Variants in RWDD2B observed in about 807,000 individuals in gnomAD.
The protein encoded by RWDD2B is RWD domain-containing protein 2B.
In RWDD2B, 36 loss-of-function variants were observed where a neutral mutation model predicts 33.6. The observed-to-expected ratio is 1.07, with a 90% confidence interval of 0.82 to 1.42. The LOEUF (loss-of-function observed/expected upper bound fraction) is 1.42. RWDD2B is among the 40% of genes most tolerant of loss of function. The probability of loss-of-function intolerance (pLI) is 0.00; values close to 1 mark genes in which losing one functional copy is unlikely to be tolerated. For missense variants in RWDD2B, 364 were observed against 377.5 expected (o/e 0.96, Z 0.30); for synonymous variants, 126 against 133.1 (o/e 0.95, Z 0.37).
In RWDD2B at chr21:29,006,363, G is replaced by GA. The variant is rs36038895; in HGVS notation, c.*53dup. 1,140 of 1,167,088 alleles carry GA rather than the reference G, an allele frequency of 9.8e-4. No individual in the cohort carries two copies. The highest frequency in any genetic ancestry group is 1.1e-3 in the Non-Finnish European group (928 of 822,254). 72.3% of individuals were successfully genotyped at this position (1,167,088 alleles called of 1,614,324 possible). ...TACTTAATCTTTCAAGAAAAAGTGG[G>GA]AAAAAAAAATCAAAAGGCCAACAGT... is the stretch of plus-strand genomic sequence containing the variant. On this transcript the variant is annotated 3_prime_UTR_variant, in exon 5 of 5. Transcript: ENST00000493196.
rs796086018 is a variant in RWDD2B at position 29,006,531 on chromosome 21, G to T, written c.846C>A (p.Phe282Leu). 1 of 1,612,872 alleles carries T rather than the reference G, an allele frequency of 6.2e-7. No individual in the cohort carries two copies. The highest frequency in any genetic ancestry group is 1.7e-5 in the Admixed American group (1 of 59,914). Residue 282 changes from phenylalanine (F) to leucine (L), a missense_variant, in exon 5 of 5, where the codon TTC becomes TTA. Phe to Leu is a conservative substitution (Grantham distance 22). Transcript: ENST00000493196. ...RKFSIFEEKV[F>L]SVNGARGNHM... is the part of the protein sequence containing the mutation. ...GGTTTCCCCTGGCTCCATTAACACT[G>T]AACACTTTTTCTTCAAAAATGGAAA...
chr21:29,006,593 C>G lies in RWDD2B; in HGVS notation c.784G>C (p.Asp262His), dbSNP rs1238487272. The G allele has an allele frequency of 6.2e-7, 1 of 1,613,708 alleles. No individual in the cohort carries two copies. The highest frequency in any genetic ancestry group is 1.1e-5 in the South Asian group (1 of 90,922). ...LIRHREDIPF[D>H]GTNDETERQR... is the part of the protein sequence containing the mutation. ...CTTTCCGTTTCATCATTTGTACCAT[C>G]AAAAGGAATGTCTTCTCGATGGCGA... Residue 262 changes from aspartate (D) to histidine (H), a missense_variant, in exon 5 of 5, where the codon GAT becomes CAT. Transcript: ENST00000493196.
chr21:29,008,459 T>G lies in RWDD2B; in HGVS notation c.230A>C (p.Glu77Ala). Residue 77 changes from glutamate to alanine, a missense_variant, in exon 2 of 5, where the codon GAG (glutamate) becomes GCG (alanine). Coordinates refer to ENST00000493196, the MANE Select transcript of RWDD2B (RefSeq NM_016940.3). ...LKDCIEKKTM[E>A]GRSSKVYFTI... ...AAAGTAGACTTTTGAAGATCGCCCC[T>G]CCATTGTCTTCTTTTCAATACAATC... 6.2e-7 allele frequency: 1 copy of G among 1,614,208 alleles called. No homozygotes were observed. The highest frequency in any genetic ancestry group is 8.5e-7 in the Non-Finnish European group (1 of 1,180,030).
chr21:29,012,237 C>T (rs2084867469), intron 1 of RWDD2B, among the ~76,000 whole-genome samples: 2 of 151,546 alleles, frequency 1.3e-5, no homozygotes, highest in Non-Finnish European at 1.5e-5. Context: ...AAGTGAGGAG[C>T]CCCTCTGCCC....
In RWDD2B at chr21:29,008,456, C is replaced by A. The variant is rs1326033879; in HGVS notation, c.233G>T (p.Gly78Val). 6.2e-7 allele frequency: 1 copy of A among 1,614,118 alleles called. No individual in the cohort carries two copies. The highest frequency in any genetic ancestry group is 1.7e-5 in the Admixed American group (1 of 60,018). Reference sequence around the variant, plus strand: ...AGTAAAGTAGACTTTTGAAGATCGCCCCTCCATTGTCTTCTTTTCAATACA... The same window carrying A: ...AGTAAAGTAGACTTTTGAAGATCGCACCTCCATTGTCTTCTTTTCAATACA... ...KDCIEKKTME[G>V]RSSKVYFTIN... is the part of the protein sequence containing the mutation. The change falls in exon 2 of 5, where the codon GGG (glycine) becomes GTG (valine). Residue 78 changes from glycine to valine, a missense_variant. By Grantham distance (109) the Gly-to-Val change is moderately radical. Coordinates refer to ENST00000493196, the MANE Select transcript of RWDD2B (RefSeq NM_016940.3).
At position 29,005,183 on chromosome 21, in the gene RWDD2B, T is replaced by A. The variant is rs2084822444; in HGVS notation, c.*1234A>T. 6.6e-6 allele frequency: 1 copy of A among 152,220 alleles called. No individual in the cohort carries two copies. The highest frequency in any genetic ancestry group is 1.5e-5 in the Non-Finnish European group (1 of 68,040). 9.4% of individuals were successfully genotyped at this position (152,220 alleles called of 1,614,324 possible). ...CAGAACAAAAAATGTCAGAATACAA[T>A]TTGCCAAACAAATTTTCTAAATTAC... On this transcript the variant is annotated 3_prime_UTR_variant, in exon 5 of 5. Coordinates refer to ENST00000493196, the MANE Select transcript of RWDD2B (RefSeq NM_016940.3).
intron 1 of RWDD2B, among the ~76,000 whole-genome samples, chr21:29,010,631 A>C (rs1457849519): frequency 4.2e-5 from 6 of 141,374 alleles, no homozygotes; most frequent in Non-Finnish European, 7.6e-5. Flanking sequence ...AAAAAAAAAA[A>C]ACCAAAAAAA....
chr21:29,018,900 C>A (rs554670613), intron 1 of RWDD2B, among the ~76,000 whole-genome samples: 1 of 152,268 alleles, frequency 6.6e-6, no homozygotes, highest in Admixed American at 6.5e-5. Context: ...GGAATAATAT[C>A]TTTTCCTTGC....
rs1215918774 is a variant in RWDD2B at position 29,008,101 on chromosome 21, G to A, written c.385C>T (p.Gln129Ter). Residue 129 changes from glutamine to a stop codon, truncating the protein, a stop_gained, in exon 4 of 5, where the codon CAG becomes TAG. Coordinates refer to ENST00000493196, the MANE Select transcript of RWDD2B (RefSeq NM_016940.3). LOFTEE classifies it high-confidence loss of function. ...TVRSVLLSRS[Q>*]QTQLNTDLTA... is the part of the protein sequence containing the mutation. Reference sequence around the variant, plus strand: ...AGATCTGTGTTCAGCTGAGTCTGCTGGGATCTACTCAATAATACTGATCTA... The same window carrying A: ...AGATCTGTGTTCAGCTGAGTCTGCTAGGATCTACTCAATAATACTGATCTA... 5 of 1,613,708 alleles carry A rather than the reference G, an allele frequency of 3.1e-6. No individual in the cohort carries two copies. The highest frequency in any genetic ancestry group is 1.6e-4 in the Middle Eastern group (1 of 6,062).
In RWDD2B at chr21:29,006,236, G is replaced by T; in HGVS notation, c.*181C>A. 2.1e-6 allele frequency: 1 copy of T among 484,530 alleles called. No homozygotes were observed. The highest frequency in any genetic ancestry group is 3.7e-6 in the Non-Finnish European group (1 of 273,152). The allele number at this position is 484,530 out of a possible 1,614,324, so 30.0% of individuals were successfully genotyped here. A position where few individuals can be genotyped will look rare whatever the true frequency, so the allele number is the denominator to read the frequency against. ...TTTTAAGGTTGTAATTTGAAACTCA[G>T]TTCTGCTTTCAATCATGACATTTTT... On this transcript the variant is annotated 3_prime_UTR_variant, in exon 5 of 5. Coordinates refer to ENST00000493196, the MANE Select transcript of RWDD2B (RefSeq NM_016940.3).
At position 29,004,718 on chromosome 21, in the gene RWDD2B, A is replaced by T. The variant is rs966039869; in HGVS notation, c.*1699T>A. 2.6e-5 allele frequency: 4 copies of T among 152,236 alleles called. No individual in the cohort carries two copies. The highest frequency in any genetic ancestry group is 9.6e-5 in the African/African-American group (4 of 41,456). The allele number at this position is 152,236 out of a possible 1,614,324, so 9.4% of individuals were successfully genotyped here. ...AGGGCAGCAGGGAGGAAATCTGGGG[A>T]CGTACATAAGATTTAGGTCCAATAC... On this transcript the variant is annotated 3_prime_UTR_variant, in exon 5 of 5. Coordinates refer to ENST00000493196, the MANE Select transcript of RWDD2B (RefSeq NM_016940.3).
chr21:29,008,299 A>G lies in RWDD2B; in HGVS notation c.303T>C (p.Phe101=). 1 of 1,614,192 alleles carries G rather than the reference A, an allele frequency of 6.2e-7. No individual in the cohort carries two copies. Among genetic ancestry groups the G allele is most frequent in the Non-Finnish European group, 8.5e-7 (1 of 1,180,012 alleles). The part of the protein sequence containing the change: ...LDVSDEKMAM[F]SLACILPFKY... ...TAAAGGGAAGAATACAGGCCAGAGA[A>G]AACATCGCCTGATTAAAGAGAAGAA... The change falls in exon 3 of 5, where the codon TTT becomes TTC. Residue 101 remains phenylalanine, a synonymous_variant. Transcript: ENST00000493196.
intron 1 of RWDD2B, among the ~76,000 whole-genome samples, chr21:29,011,001 G>A (rs892002475): frequency 1.3e-5 from 2 of 152,144 alleles, no homozygotes; most frequent in African/African-American, 4.8e-5. Flanking sequence ...GTGCAGTGGC[G>A]TGATCTCGGC....
chr21:29,010,699 G>C lies in RWDD2B; in HGVS notation c.68-2078C>G, dbSNP rs145646943. Among the ~76,000 whole-genome samples the C allele has an allele frequency of 2.3e-3, 343 of 150,256 alleles. 3 individuals carry two copies. Among genetic ancestry groups the C allele is most frequent in the African/African-American group, 7.7e-3 (314 of 40,880 alleles). ...GGTCTCCCTCTCCCTCTCTTTCCAC[G>C]GTCTCCCTCTGATTCCGAGCCGAAG... On this transcript the variant is annotated intron_variant, in intron 1 of 4. Coordinates refer to ENST00000493196, the MANE Select transcript of RWDD2B (RefSeq NM_016940.3).
At chr21:29,019,060 A>G in intron 1 of RWDD2B, 151 bp downstream of exon 1, 2 of 641,248 alleles carry the variant, frequency 3.1e-6, no homozygotes, top group Non-Finnish European at 5.3e-6. Context: ...GCCGGGAAGC[A>G]ACGCCGAGGA....
At chr21:29,010,030 CTTAT>C (rs1341966183) in intron 1 of RWDD2B, among the ~76,000 whole-genome samples, 1 of 152,088 alleles carries the variant, frequency 6.6e-6, no homozygotes, top group Non-Finnish European at 1.5e-5. Flanking sequence ...TATGCCATAA[CTTAT>C]TTAATTCTTT....
rs747121009 is a variant in RWDD2B at position 29,007,842 on chromosome 21, A to G, written c.644T>C (p.Leu215Pro). The G allele has an allele frequency of 3.7e-6, 6 of 1,614,134 alleles. No homozygotes were observed. In the South Asian group the frequency reaches 5.5e-5, roughly 15 times the overall value. Residue 215 changes from leucine to proline, a missense_variant, in exon 4 of 5, where the codon CTG becomes CCG. Leu to Pro is a moderately conservative substitution (Grantham distance 98, BLOSUM62 -3). Coordinates refer to ENST00000493196, the MANE Select transcript of RWDD2B (RefSeq NM_016940.3). Reference protein sequence around the residue: ...NILEWAKELSLSGFSMPGKPG... With the variant: ...NILEWAKELSPSGFSMPGKPG... ...TTTTCCAGGCATGCTAAACCCAGACAGGGAAAGCTCCTTTGCCCACTCTAG... is the reference window on the plus strand; with the variant it reads ...TTTTCCAGGCATGCTAAACCCAGACGGGGAAAGCTCCTTTGCCCACTCTAG...
chr21:29,008,173 T>A (rs955177233), intron 3 of RWDD2B, 50 bp from the exon 4 acceptor site: 24 of 1,610,356 alleles, frequency 1.5e-5, no homozygotes, highest in Admixed American at 5.1e-5. Context: ...GAAAACAAAT[T>A]CGAGAATTGC....
In RWDD2B at chr21:29,006,912, G is replaced by A. The variant is rs556421889; in HGVS notation, c.726-261C>T. On this transcript the variant is annotated intron_variant, in intron 4 of 4. Transcript: ENST00000493196. The stretch of plus-strand genomic sequence containing the variant: ...TACAGGTGTGAGTCATACACACCCC[G>A]TCCAAGAAGTCTACTTTTATCTCAC... Among the ~76,000 whole-genome samples the A allele has an allele frequency of 2.2e-3, 339 of 152,156 alleles. 4 individuals are homozygous for A. The highest frequency in any genetic ancestry group is 7.2e-4 in the Admixed American group (11 of 15,280).
Sources: gnomAD v4.1 joint callset for allele counts (sites outside exome capture counted in the v4.1 genomes callset) on GRCh38, gnomAD v4.1.1 for gene constraint, MANE v1.5 for transcripts, NCBI Gene and HGNC (gene_info 2026-07-23, HGNC 2026-07-21) for gene names.